Variants in TTBK2 observed in about 807,000 individuals in gnomAD.
TTBK2 encodes tau-tubulin kinase 2.
TTBK2 carries 28 observed loss-of-function variants against 110.8 expected under a neutral mutation model. The observed-to-expected ratio is 0.25, with a 90% CI of 0.19 to 0.35. The LOEUF (loss-of-function observed/expected upper bound fraction) is 0.35. Among genes scored for constraint, TTBK2 ranks in the 10% least tolerant of loss-of-function variants. The probability of loss-of-function intolerance (pLI) is 1.00; values close to 1 mark genes in which losing one functional copy is unlikely to be tolerated. For synonymous variants in TTBK2, 532 were observed against 527.3 expected (o/e 1.01, Z -0.12); for missense variants, 1,369 against 1,500.3 (o/e 0.91, Z 1.45).
intron 2 of TTBK2, among the ~76,000 whole-genome samples, chr15:42,877,507 A>T (rs901061489): frequency 6.6e-6 from 1 of 152,184 alleles, no homozygotes; most frequent in East Asian, 1.9e-4. Flanking sequence ...AAAAAGAGCA[A>T]TAAAGAGGAA....
At chr15:42,749,260 G>A (rs1055038129) in intron 14 of TTBK2, among the ~76,000 whole-genome samples, 1 of 152,218 alleles carries the variant, frequency 6.6e-6, no homozygotes, top group Non-Finnish European at 1.5e-5. Context: ...AAGATTCTGG[G>A]AAGACAGTAG....
intron 13 of TTBK2, among the ~76,000 whole-genome samples, chr15:42,763,143 CATATATATATATACATATATATATAT>C (rs1160867660): frequency 2.0e-4 from 10 of 51,152 alleles, no homozygotes; most frequent in East Asian, 7.7e-4. Flanking sequence ...TATATACATA[CATATATATATATACATATATATATAT>C]ATATATATAT....
At chr15:42,817,479 T>C (rs1487234021) in intron 6 of TTBK2, among the ~76,000 whole-genome samples, 1 of 152,196 alleles carries the variant, frequency 6.6e-6, no homozygotes, top group Non-Finnish European at 1.5e-5. Flanking sequence ...TATATTTAGA[T>C]GGTGAGGAAT....
At chr15:42,893,384 T>C (rs991350713) in intron 1 of TTBK2, among the ~76,000 whole-genome samples, 4 of 152,072 alleles carry the variant, frequency 2.6e-5, no homozygotes, top group Non-Finnish European at 5.9e-5. Context: ...TAGTCCTAGC[T>C]ACTCAAGAGG....
intron 3 of TTBK2, among the ~76,000 whole-genome samples, chr15:42,852,079 T>A (rs1893741706): frequency 6.6e-6 from 1 of 152,080 alleles, no homozygotes. Flanking sequence ...CAACTTTTTT[T>A]TTTTTTTTTA....
chr15:42,879,996 C>CAA (rs71108186), intron 1 of TTBK2, among the ~76,000 whole-genome samples: 14 of 74,414 alleles, frequency 1.9e-4, no homozygotes, highest in East Asian at 1.1e-3. Flanking sequence ...GATCCTGTCT[C>CAA]AAAAAAAAAA....
intron 4 of TTBK2, among the ~76,000 whole-genome samples, chr15:42,839,281 T>C (rs898800567): frequency 1.3e-5 from 2 of 152,220 alleles, no homozygotes; most frequent in African/African-American, 4.8e-5. Context: ...CATGATTTCA[T>C]TCATTTTTAT....
rs1315587926 is a variant in TTBK2 at position 42,743,471 on chromosome 15, G to A, written c.*2324C>T. 1 of 152,190 alleles carries A rather than the reference G, an allele frequency of 6.6e-6. No individual in the cohort carries two copies. The highest frequency in any genetic ancestry group is 1.5e-5 in the Non-Finnish European group (1 of 68,022). 9.4% of individuals were successfully genotyped at this position (152,190 alleles called of 1,614,324 possible). A position where few individuals can be genotyped will look rare whatever the true frequency, so the allele number is the denominator to read the frequency against. ...CCGACTAAAGGGGTCAGGATTTAAA[G>A]CTAGCTACTTTTAGCACAATTTAGC... On this transcript the variant is annotated 3_prime_UTR_variant, in exon 15 of 15. Coordinates refer to ENST00000267890, the MANE Select transcript of TTBK2 (RefSeq NM_173500.4).
intron 1 of TTBK2, among the ~76,000 whole-genome samples, chr15:42,886,821 C>T (rs1474811177): frequency 6.6e-6 from 1 of 152,254 alleles, no homozygotes; most frequent in Non-Finnish European, 1.5e-5. Flanking sequence ...AATCTGGCCA[C>T]TAGGCCAAGG....
At position 42,777,081 on chromosome 15, in the gene TTBK2, T is replaced by C; in HGVS notation, c.1359A>G (p.Lys453=). Residue 453 remains lysine (K), a synonymous_variant, in exon 12 of 15, where the codon AAA becomes AAG. Transcript: ENST00000267890. ...CTGGCTTTGGCTCCAGGGTCAGACG[T>C]TTTTCCAGCTCAAAGCTGTGAATGG... The part of the protein sequence containing the change: ...LRSIHSFELE[K]RLTLEPKPDT... 2 of 1,614,114 alleles carry C rather than the reference T, an allele frequency of 1.2e-6. No individual in the cohort carries two copies. The highest frequency in any genetic ancestry group is 1.1e-5 in the South Asian group (1 of 91,078).
intron 9 of TTBK2, among the ~76,000 whole-genome samples, chr15:42,808,496 C>T (rs1017825631): frequency 1.3e-5 from 2 of 151,718 alleles, no homozygotes; most frequent in Non-Finnish European, 2.9e-5. Flanking sequence ...TTGCTTGTTG[C>T]TGGAGGAGGT....
intron 3 of TTBK2, among the ~76,000 whole-genome samples, chr15:42,861,089 G>A (rs1894138614): frequency 6.6e-6 from 1 of 152,134 alleles, no homozygotes; most frequent in Non-Finnish European, 1.5e-5. Flanking sequence ...ACCCAATATT[G>A]AAGCATCCAA....
At chr15:42,919,350 TC>T (rs1191571368) in intron 1 of TTBK2, among the ~76,000 whole-genome samples, 1 of 152,134 alleles carries the variant, frequency 6.6e-6, no homozygotes, top group Non-Finnish European at 1.5e-5. Flanking sequence ...TAAAATCATT[TC>T]CCCCTTCTAT....
chr15:42,803,209 A>T (rs1891300751), intron 9 of TTBK2, among the ~76,000 whole-genome samples: 1 of 152,188 alleles, frequency 6.6e-6, no homozygotes, highest in Non-Finnish European at 1.5e-5. Flanking sequence ...CCTAGGCTAT[A>T]TAGTATAGCC....
At chr15:42,794,294 C>A (rs1008314746) in intron 10 of TTBK2, among the ~76,000 whole-genome samples, 1 of 152,080 alleles carries the variant, frequency 6.6e-6, no homozygotes, top group Non-Finnish European at 1.5e-5. Flanking sequence ...TAAACTTTGG[C>A]ACAGTATAGT....
intron 9 of TTBK2, chr15:42,801,794 T>C (rs1406032037): frequency 3.6e-6 from 3 of 822,772 alleles, no homozygotes; most frequent in Non-Finnish European, 6.4e-6. Context: ...AGCTCCATCT[T>C]GTTCATGTAA....
chr15:42,773,028 C>T (rs368213973), intron 13 of TTBK2, among the ~76,000 whole-genome samples: 2 of 152,118 alleles, frequency 1.3e-5, no homozygotes, highest in East Asian at 3.9e-4. Flanking sequence ...TTGGTGCCAA[C>T]TTGCTATCCC....
intron 9 of TTBK2, among the ~76,000 whole-genome samples, chr15:42,797,116 A>C (rs1890978266): frequency 6.6e-6 from 1 of 152,210 alleles, no homozygotes. Context: ...CTAACTCTGA[A>C]ATCAAGGTTC....
chr15:42,783,276 C>G (rs1890254094), intron 11 of TTBK2, 143 bp downstream of exon 11: 6 of 752,430 alleles, frequency 8.0e-6, no homozygotes, highest in Non-Finnish European at 1.4e-5. Flanking sequence ...ATCCCTTTCC[C>G]CATCTACCAC....
Sources: gnomAD v4.1 joint callset for allele counts (sites outside exome capture counted in the v4.1 genomes callset) on GRCh38, gnomAD v4.1.1 for gene constraint, MANE v1.5 for transcripts, NCBI Gene and HGNC (gene_info 2026-07-23, HGNC 2026-07-21) for gene names.